Variants in FAAH2 observed in about 807,000 individuals in gnomAD.
FAAH2 encodes the protein fatty-acid amide hydrolase 2.
In FAAH2, 60 loss-of-function variants were observed where a neutral mutation model predicts 36.9. That is an observed-to-expected ratio of 1.63 (90% CI 1.32 to 2.02). The LOEUF is 2.02. Ranked by LOEUF, FAAH2 falls within the 30% of genes most tolerant of loss-of-function variation. The pLI is 0.00. For synonymous variants in FAAH2, 214 were observed against 143.8 expected (o/e 1.49, Z -3.49); for missense variants, 689 against 397.5 (o/e 1.73, Z -6.23).
At chrX:57,235,619 A>T in the FAAH2 span, among the ~76,000 whole-genome samples, 1 of 112,437 alleles carries the variant, frequency 8.9e-6, no homozygotes, top group Non-Finnish European at 1.9e-5. Context: ...CTATAGTTTG[A>T]GTTCAGAAAT....
the FAAH2 span, among the ~76,000 whole-genome samples, chrX:57,180,501 A>C: frequency 1.8e-5 from 2 of 111,732 alleles, no homozygotes; most frequent in African/African-American, 6.5e-5. Flanking sequence ...CTATGCACAC[A>C]ACTAAAAAAT....
At chrX:57,282,397 C>T (rs765612548), upstream of FAAH2, among the ~76,000 whole-genome samples, 113 of 111,802 alleles carry the variant, frequency 1.0e-3, no homozygotes, top group Non-Finnish European at 3.9e-4. Context: ...ATGTTTCTTG[C>T]TCACTTTTTA....
chrX:57,467,228 C>T (rs2057066814), intron 10 of FAAH2, among the ~76,000 whole-genome samples: 1 of 111,281 alleles, frequency 9.0e-6, no homozygotes, highest in Admixed American at 9.6e-5. Flanking sequence ...AGATGCATCT[C>T]ACTGGGGAGT....
the FAAH2 span, among the ~76,000 whole-genome samples, chrX:57,142,844 A>G: frequency 1.5e-4 from 17 of 111,375 alleles, no homozygotes; most frequent in East Asian, 4.5e-3. Context: ...TGACCCCTTT[A>G]TCATTATATA....
the FAAH2 span, among the ~76,000 whole-genome samples, chrX:57,134,325 T>C: frequency 8.9e-6 from 1 of 111,773 alleles, no homozygotes; most frequent in Non-Finnish European, 1.9e-5. Flanking sequence ...CAGAATTCCA[T>C]CACAGGTCTC....
chrX:57,459,586 T>A (rs757146212), intron 10 of FAAH2, among the ~76,000 whole-genome samples: 4 of 111,991 alleles, frequency 3.6e-5, no homozygotes, highest in Admixed American at 9.4e-5. Context: ...AGACACCTCA[T>A]ACAGGAGAGC....
chrX:57,379,529 TCG>T (rs1038389545), intron 6 of FAAH2, among the ~76,000 whole-genome samples: 1 of 87,404 alleles, frequency 1.1e-5, no homozygotes, highest in African/African-American at 5.4e-5. Flanking sequence ...TCTGTCTCTC[TCG>T]CTCTCTCTCT....
intron 4 of FAAH2, 143 bp downstream of exon 4, chrX:57,331,950 A>G: frequency 1.8e-6 from 1 of 553,766 alleles, no homozygotes; most frequent in Non-Finnish European, 2.8e-6. Flanking sequence ...GTTGATGGAG[A>G]AGAAATGGGA....
rs1261111154 is a variant in FAAH2 at position 57,296,071 on chromosome X, A to G, written c.275+3491A>G. ...AGACAGCAATAACCTCTGCAGACTT[A>G]AATGTCCCTGTCTGACAGATTTGAA... is the stretch of plus-strand genomic sequence containing the variant. On this transcript the variant is annotated intron_variant, in intron 2 of 10. Coordinates refer to ENST00000374900, the MANE Select transcript of FAAH2 (RefSeq NM_174912.4). Among the ~76,000 whole-genome samples, 5 of 112,271 alleles carry G rather than the reference A, an allele frequency of 4.5e-5. No homozygotes were observed. The Admixed American group carries it at 4.7e-4, about 11-fold the overall frequency.
intron 2 of FAAH2, among the ~76,000 whole-genome samples, chrX:57,302,369 C>G (rs953019294): frequency 9.0e-6 from 1 of 111,695 alleles, no homozygotes; most frequent in African/African-American, 3.3e-5. Context: ...TCATTTATCC[C>G]ACAAATGGTT....
chrX:57,265,864 G>T, the FAAH2 span, among the ~76,000 whole-genome samples: 1 of 111,592 alleles, frequency 9.0e-6, no homozygotes, highest in African/African-American at 3.3e-5. Flanking sequence ...TTTTTTACGT[G>T]GTTCCCTGAT....
chrX:57,448,436 T>A, intron 9 of FAAH2, 88 bp from the exon 10 acceptor site: 1 of 833,785 alleles, frequency 1.2e-6, no homozygotes, highest in Non-Finnish European at 1.7e-6. Context: ...ATAATGAACA[T>A]GTATTACTTG....
chrX:57,280,188 T>C, the FAAH2 span, among the ~76,000 whole-genome samples: 1 of 111,740 alleles, frequency 8.9e-6, no homozygotes, highest in Non-Finnish European at 1.9e-5. Flanking sequence ...GGTCTATAGA[T>C]TCAATGGAAT....
chrX:57,473,413 T>C (rs906380310), intron 10 of FAAH2, among the ~76,000 whole-genome samples: 3 of 111,775 alleles, frequency 2.7e-5, no homozygotes, highest in Non-Finnish European at 5.6e-5. Flanking sequence ...TTTTACCTTT[T>C]TGAATGCGTT....
chrX:57,482,696 C>T (rs1475483568), intron 10 of FAAH2, among the ~76,000 whole-genome samples: 3 of 92,117 alleles, frequency 3.3e-5, no homozygotes, highest in Non-Finnish European at 6.5e-5. Flanking sequence ...GCCATCTTGG[C>T]TTCATTCCCT....
chrX:57,423,675 T>A (rs2056090495), intron 7 of FAAH2, among the ~76,000 whole-genome samples: 1 of 110,834 alleles, frequency 9.0e-6, no homozygotes, highest in South Asian at 3.9e-4. Context: ...CCCAGTGGTG[T>A]TAGAATTGCT....
intron 3 of FAAH2, among the ~76,000 whole-genome samples, chrX:57,313,789 C>G (rs1490762042): frequency 9.0e-6 from 1 of 111,467 alleles, no homozygotes; most frequent in Non-Finnish European, 1.9e-5. Flanking sequence ...ATGACACCGG[C>G]TGTCACAGAG....
chrX:57,277,452 C>T, the FAAH2 span, among the ~76,000 whole-genome samples: 1 of 111,611 alleles, frequency 9.0e-6, no homozygotes, highest in Non-Finnish European at 1.9e-5. Flanking sequence ...TTATGACAAA[C>T]CCACAGCCAA....
intron 5 of FAAH2, among the ~76,000 whole-genome samples, chrX:57,352,108 G>GCACATATATA: frequency 2.4e-5 from 1 of 41,536 alleles, no homozygotes; most frequent in African/African-American, 1.3e-4. Context: ...ATATATATAT[G>GCACATATATA]TGTATATATA....
Sources: allele counts gnomAD v4.1 joint callset (sites outside exome capture counted in the v4.1 genomes callset), GRCh38; gene constraint gnomAD v4.1.1; transcripts MANE v1.5; gene names NCBI Gene and HGNC (gene_info 2026-07-23, HGNC 2026-07-21).